CDK15: variants seen among roughly 807,000 people sequenced by gnomAD.
CDK15 encodes the protein cyclin dependent kinase 15.
Under a neutral mutation model 60.3 loss-of-function variants are expected in CDK15, and 62 were observed. The observed-to-expected ratio is 1.03, with a 90% CI of 0.84 to 1.27. The LOEUF (loss-of-function observed/expected upper bound fraction) is 1.27. CDK15 is among the 50% of genes most tolerant of loss of function. The probability of loss-of-function intolerance (pLI) is 0.00; values close to 1 mark genes in which losing one functional copy is unlikely to be tolerated. For missense variants in CDK15, 541 were observed against 527.8 expected (o/e 1.03, Z -0.25); for synonymous variants, 194 against 195.7 (o/e 0.99, Z 0.07).
intron 11 of CDK15, 122 bp downstream of exon 11, chr2:201,872,448 T>C: frequency 1.0e-6 from 1 of 977,654 alleles, no homozygotes; most frequent in East Asian, 2.4e-5. Flanking sequence ...GGCTCTAAGC[T>C]GTAGGAAGAT....
chr2:201,838,296 C>T (rs115718069), intron 8 of CDK15, among the ~76,000 whole-genome samples: 1 of 151,874 alleles, frequency 6.6e-6, no homozygotes, highest in Non-Finnish European at 1.5e-5. Flanking sequence ...TGGGTAGAGA[C>T]CAGGGATACT....
chr2:201,812,173 C>CAAAAAAAAAAAAAAA (rs56808760), intron 3 of CDK15, among the ~76,000 whole-genome samples: 3 of 96,810 alleles, frequency 3.1e-5, no homozygotes, highest in Non-Finnish European at 6.5e-5. Flanking sequence ...GATTCTGTCT[C>CAAAAAAAAAAAAAAA]AAAAAAAAAA....
chr2:201,822,813 T>C lies in CDK15; in HGVS notation c.453T>C (p.Ser151=), dbSNP rs760419504. Residue 151 remains serine (S), a synonymous_variant, in exon 5 of 14, where the codon TCT becomes TCC. Coordinates refer to ENST00000652192, the MANE Select transcript of CDK15 (RefSeq NM_001366386.2). ...GVPFTAIREA[S]LLKGLKHANI... ...CATTTTGTTTAATTTTTCTAGCTTC[T>C]CTCCTGAAGGGTTTGAAACATGCCA... 4.6e-5 allele frequency: 73 copies of C among 1,597,848 alleles called. No individual in the cohort carries two copies. Among genetic ancestry groups the C allele is most frequent in the Non-Finnish European group, 4.7e-5 (55 of 1,166,166 alleles).
intron 7 of CDK15, among the ~76,000 whole-genome samples, chr2:201,834,584 A>C (rs922502759): frequency 2.0e-5 from 3 of 152,166 alleles, no homozygotes; most frequent in African/African-American, 7.2e-5. Flanking sequence ...GCACACCCCC[A>C]CACACAAATA....
Position 201,894,517 on chromosome 2 carries a change from G to T in CDK15, c.*1250G>T, listed in dbSNP as rs1699724828. On this transcript the variant is annotated 3_prime_UTR_variant, in exon 14 of 14. Transcript: ENST00000652192. Reference sequence around the variant, plus strand: ...TGGTGTTTATTTAACCCAGAGAAAGGCCAGCCGTGGTGTGCTACAAGGTTC... The same window carrying T: ...TGGTGTTTATTTAACCCAGAGAAAGTCCAGCCGTGGTGTGCTACAAGGTTC... The T allele has an allele frequency of 6.6e-6, 1 of 152,160 alleles. No individual in the cohort carries two copies. Among genetic ancestry groups the T allele is most frequent in the Non-Finnish European group, 1.5e-5 (1 of 68,030 alleles). 9.4% of individuals were successfully genotyped at this position (152,160 alleles called of 1,614,324 possible).
intron 5 of CDK15, 31 bp from the exon 6 acceptor site, chr2:201,823,634 C>T (rs373678952): frequency 1.1e-4 from 181 of 1,587,322 alleles, no homozygotes; most frequent in Admixed American, 2.5e-4. Context: ...ACTAAATTCA[C>T]TCACTTCTCT....
At chr2:201,842,848 A>C (rs1353683755) in intron 8 of CDK15, among the ~76,000 whole-genome samples, 4 of 152,196 alleles carry the variant, frequency 2.6e-5, no homozygotes, top group Admixed American at 2.6e-4. Flanking sequence ...TTGATGTCAC[A>C]GGGTCTTTTC....
intron 8 of CDK15, among the ~76,000 whole-genome samples, chr2:201,837,445 GGAAAGGAAGGAAGGAAGGAA>G (rs1559127410): frequency 8.8e-5 from 8 of 90,508 alleles, no homozygotes; most frequent in African/African-American, 3.5e-4. Context: ...AAGGAAGGAA[GGAAAGGAAGGAAGGAAGGAA>G]GGAAGGAAGG....
At chr2:201,841,932 T>C (rs1697404590) in intron 8 of CDK15, among the ~76,000 whole-genome samples, 1 of 152,190 alleles carries the variant, frequency 6.6e-6, no homozygotes, top group African/African-American at 2.4e-5. Context: ...GTGAGAAAAA[T>C]GCAATATTTT....
chr2:201,818,848 C>T lies in CDK15; in HGVS notation c.449-3961C>T, dbSNP rs181749082. 1.4e-4 allele frequency among the ~76,000 whole-genome samples: 21 copies of T among 152,158 alleles called. No homozygotes were observed. In the East Asian group the frequency reaches 4.1e-3, roughly 29 times the overall value. On this transcript the variant is annotated intron_variant, in intron 4 of 13. Coordinates refer to ENST00000652192, the MANE Select transcript of CDK15 (RefSeq NM_001366386.2). The stretch of plus-strand genomic sequence containing the variant: ...CATCTTCAACAGAAACACCCTTTAC[C>T]AACCAACTAGAGGTATAGAAATGAT...
intron 4 of CDK15, among the ~76,000 whole-genome samples, chr2:201,820,556 T>C (rs1696175227): frequency 6.6e-6 from 1 of 152,204 alleles, no homozygotes; most frequent in Non-Finnish European, 1.5e-5. Flanking sequence ...GTTGAGATAC[T>C]CTCCAGAGCT....
chr2:201,844,184 C>A (rs1480324640), intron 8 of CDK15, among the ~76,000 whole-genome samples: 1 of 152,156 alleles, frequency 6.6e-6, no homozygotes, highest in African/African-American at 2.4e-5. Context: ...ATTTCCATTT[C>A]TCTTTTATAA....
chr2:201,828,419 T>C (rs1239978341), intron 6 of CDK15, among the ~76,000 whole-genome samples: 2 of 151,960 alleles, frequency 1.3e-5, no homozygotes, highest in African/African-American at 4.8e-5. Flanking sequence ...GGGAAGCAGC[T>C]TGTAGGAATG....
chr2:201,837,301 A>ACAG (rs1238812169), intron 8 of CDK15, among the ~76,000 whole-genome samples: 3 of 60,486 alleles, frequency 5.0e-5, no homozygotes, highest in Non-Finnish European at 1.2e-4. Flanking sequence ...GAAAGAAAGA[A>ACAG]ACAGAGAGAG....
At chr2:201,841,455 G>T (rs1021744045) in intron 8 of CDK15, among the ~76,000 whole-genome samples, 2 of 152,130 alleles carry the variant, frequency 1.3e-5, no homozygotes, top group African/African-American at 4.8e-5. Flanking sequence ...CAAAGTAATT[G>T]CTAGACCTTG....
At chr2:201,881,936 G>C (rs571461570) in intron 12 of CDK15, among the ~76,000 whole-genome samples, 1 of 152,180 alleles carries the variant, frequency 6.6e-6, no homozygotes, top group African/African-American at 2.4e-5. Context: ...TCCACTTAAA[G>C]AAACTTTCCC....
chr2:201,871,278 C>A (rs1430319453), intron 10 of CDK15, among the ~76,000 whole-genome samples: 1 of 152,004 alleles, frequency 6.6e-6, no homozygotes, highest in Non-Finnish European at 1.5e-5. Context: ...TCCCAGTTCA[C>A]CCTTTCAAGT....
intron 10 of CDK15, among the ~76,000 whole-genome samples, chr2:201,855,169 A>G (rs1698092189): frequency 6.6e-6 from 1 of 152,192 alleles, no homozygotes; most frequent in Non-Finnish European, 1.5e-5. Context: ...AGCTGAATAG[A>G]ATTTGAAATG....
At position 201,890,905 on chromosome 2, in the gene CDK15, C is replaced by T. The variant is rs367879404; in HGVS notation, c.*11C>T. 32 of 1,593,084 alleles carry T rather than the reference C, an allele frequency of 2.0e-5. No homozygotes were observed. Among genetic ancestry groups the T allele is most frequent in the South Asian group, 6.7e-5 (6 of 90,090 alleles). ...AGCAAATGCTGGTGAAAAGAAAGGG[C>T]GAGATCACCAAGGTTCTTCCAGGTA... On this transcript the variant is annotated 3_prime_UTR_variant, in exon 13 of 14. Coordinates refer to ENST00000652192, the MANE Select transcript of CDK15 (RefSeq NM_001366386.2).
Sources: allele counts gnomAD v4.1 joint callset (sites outside exome capture counted in the v4.1 genomes callset), GRCh38; gene constraint gnomAD v4.1.1; transcripts MANE v1.5; gene names NCBI Gene and HGNC (gene_info 2026-07-23, HGNC 2026-07-21).